The following KLHL14 variants were observed in gnomAD, a reference collection of about 807,000 sequenced individuals.
KLHL14 encodes the protein kelch-like protein 14.
Under a neutral mutation model 64.3 loss-of-function variants are expected in KLHL14, and 22 were observed. The ratio of observed to expected loss-of-function variants is 0.34; its 90% CI spans 0.24 to 0.49. KLHL14 has a LOEUF of 0.49. Ranked by LOEUF, KLHL14 falls within the 20% of genes least tolerant of loss-of-function variation. The pLI, the probability that KLHL14 is intolerant of heterozygous loss-of-function variation, is 0.99. For missense variants in KLHL14, 661 were observed against 789.0 expected, an observed-to-expected ratio of 0.84 and a Z score of 1.94; for synonymous variants, 322 against 333.4, an observed-to-expected ratio of 0.97 and a Z score of 0.37.
Position 32,708,259 on chromosome 18 carries a change from G to T in KLHL14, c.1070-12707C>A, listed in dbSNP as rs530243162. On this transcript the variant is annotated intron_variant, in intron 3 of 8. Coordinates refer to ENST00000359358, the MANE Select transcript of KLHL14 (RefSeq NM_020805.3). Reference sequence around the variant, plus strand: ...GCGTATCTTTCCTGAGAATCCACTAGTGCCCAGCACCATCCCACCAGAGGT... The same window carrying T: ...GCGTATCTTTCCTGAGAATCCACTATTGCCCAGCACCATCCCACCAGAGGT... Among the ~76,000 whole-genome samples, 39 of 152,282 alleles carry T rather than the reference G, an allele frequency of 2.6e-4. 1 individual carries two copies. The South Asian group carries it at 7.5e-3, about 29-fold the overall frequency.
At position 32,687,167 on chromosome 18, in the gene KLHL14, G is replaced by C; in HGVS notation, c.1226C>G (p.Pro409Arg). The part of the protein sequence containing the change: ...PRFNSWIQLP[P>R]MQERRASFYA... ...AATAAACACTTACCTTTCCTGCATG[G>C]GTGGAAGTTGAATCCAGCTATTAAA... Residue 409 changes from proline to arginine, a missense_variant, in exon 5 of 9, where the codon CCC becomes CGC. Coordinates refer to ENST00000359358, the MANE Select transcript of KLHL14 (RefSeq NM_020805.3). The C allele has an allele frequency of 6.2e-7, 1 of 1,613,472 alleles. No homozygotes were observed. The highest frequency in any genetic ancestry group is 1.3e-5 in the African/African-American group (1 of 74,996).
Position 32,687,382 on chromosome 18 carries a change from C to T in KLHL14, c.1160-149G>A, listed in dbSNP as rs961892644. On this transcript the variant is annotated intron_variant, in intron 4 of 8. Coordinates refer to ENST00000359358, the MANE Select transcript of KLHL14 (RefSeq NM_020805.3). ...ACCTAACACAGCACGGGCGATGAGT[C>T]AATAGAAAAATAAATGTGCCACCTC... 6.5e-6 allele frequency: 4 copies of T among 612,720 alleles called. No homozygotes were observed. In the South Asian group the frequency reaches 8.6e-5, roughly 13 times the overall value. 38.0% of individuals were successfully genotyped at this position (612,720 alleles called of 1,614,324 possible). A position where few individuals can be genotyped will look rare whatever the true frequency, so the allele number is the denominator to read the frequency against.
At chr18:32,730,624 G>A (rs889614723) in intron 3 of KLHL14, among the ~76,000 whole-genome samples, 1 of 152,166 alleles carries the variant, frequency 6.6e-6, no homozygotes, top group African/African-American at 2.4e-5. Flanking sequence ...GCAAAAACAA[G>A]TGAGACCATG....
chr18:32,706,116 A>C (rs2049988977), intron 3 of KLHL14, among the ~76,000 whole-genome samples: 1 of 152,224 alleles, frequency 6.6e-6, no homozygotes, highest in Non-Finnish European at 1.5e-5. Flanking sequence ...TTTCACTGCA[A>C]AGATTCAGAA....
At chr18:32,719,781 G>A (rs2050067006) in intron 3 of KLHL14, among the ~76,000 whole-genome samples, 1 of 152,208 alleles carries the variant, frequency 6.6e-6, no homozygotes, top group South Asian at 2.1e-4. Context: ...TTATGGGCAG[G>A]GAGCTGTGAC....
In KLHL14 at chr18:32,680,430, T is replaced by G; in HGVS notation, c.1408A>C (p.Asn470His). Residue 470 changes from asparagine to histidine, a missense_variant, in exon 6 of 9, where the codon AAT becomes CAT. Coordinates refer to ENST00000359358, the MANE Select transcript of KLHL14 (RefSeq NM_020805.3). The surrounding 1 kb of genome is among the most constrained non-coding windows in gnomAD (Gnocchi z 4.8). ...PLAAHAGAVHNGKIYISGGVH... is the reference protein window; with the variant it reads ...PLAAHAGAVHHGKIYISGGVH... ...TTGCCTGAAATGTATATTTTCCCAT[T>G]GTGCACTGCTCCCGCATGAGCCGCC... The G allele has an allele frequency of 6.2e-7, 1 of 1,613,978 alleles. No homozygotes were observed. Among genetic ancestry groups the G allele is most frequent in the Non-Finnish European group, 8.5e-7 (1 of 1,179,888 alleles).
chr18:32,761,790 C>T (rs1229410918), intron 2 of KLHL14, among the ~76,000 whole-genome samples: 1 of 152,122 alleles, frequency 6.6e-6, no homozygotes, highest in African/African-American at 2.4e-5. Context: ...GTACCATATA[C>T]GTTCAATACA....
chr18:32,761,393 C>CTTT (rs10676001), intron 2 of KLHL14, among the ~76,000 whole-genome samples: 1,893 of 127,040 alleles, frequency 0.015, 91 homozygotes, highest in African/African-American at 0.052. Context: ...GCCACACATC[C>CTTT]TTTTTTTTTT....
At chr18:32,769,591 GGCCTCTCTGGCTCTACCCCCCCCT>G in intron 2 of KLHL14, 30 bp downstream of exon 2, 1 of 116,718 alleles carries the variant, frequency 8.6e-6, no homozygotes, top group Non-Finnish European at 1.5e-5. Context: ...CCCTCCCTCC[GGCCTCTCTGGCTCTACCCCCCCCT>G]CCCCCGCCCT....
chr18:32,707,267 T>G (rs1012549282), intron 3 of KLHL14, among the ~76,000 whole-genome samples: 9 of 152,276 alleles, frequency 5.9e-5, no homozygotes, highest in Admixed American at 2.0e-4. Context: ...AGTAAGAGCT[T>G]TTCTTCGTTT....
At chr18:32,676,284 AT>A (rs1193777902) in intron 8 of KLHL14, among the ~76,000 whole-genome samples, 1 of 152,170 alleles carries the variant, frequency 6.6e-6, no homozygotes, top group Non-Finnish European at 1.5e-5. Context: ...AATGTAGGGT[AT>A]TCTGTATAAC....
At chr18:32,763,204 A>G (rs1214326916) in intron 2 of KLHL14, among the ~76,000 whole-genome samples, 1 of 151,704 alleles carries the variant, frequency 6.6e-6, no homozygotes, top group Non-Finnish European at 1.5e-5. Context: ...TAGTAAGTCA[A>G]TATTATAGTG....
intron 3 of KLHL14, among the ~76,000 whole-genome samples, chr18:32,718,266 TC>T (rs1414218889): frequency 3.3e-5 from 5 of 152,352 alleles, no homozygotes; most frequent in African/African-American, 1.2e-4. Context: ...TTACACCTGA[TC>T]TCAACCTACC....
intron 2 of KLHL14, among the ~76,000 whole-genome samples, chr18:32,761,086 T>C (rs2050311471): frequency 6.6e-6 from 1 of 152,258 alleles, no homozygotes; most frequent in South Asian, 2.1e-4. Context: ...CAGCATTTTA[T>C]GTTTAGTTTT....
intron 3 of KLHL14, among the ~76,000 whole-genome samples, chr18:32,725,640 C>G (rs1472621755): frequency 6.6e-6 from 1 of 152,182 alleles, no homozygotes; most frequent in Non-Finnish European, 1.5e-5. Context: ...GTCCTGTGAG[C>G]TAGGCATGGG....
Position 32,752,441 on chromosome 18 carries a change from A to G in KLHL14, c.948-10392T>C, listed in dbSNP as rs977721937. ...CCAAATCTAAGCTGCTATTTTTACT[A>G]TGTACTGCCCTAGACCCTCCACCTT... On this transcript the variant is annotated intron_variant, in intron 2 of 8. Coordinates refer to ENST00000359358, the MANE Select transcript of KLHL14 (RefSeq NM_020805.3). Among the ~76,000 whole-genome samples the G allele has an allele frequency of 3.3e-5, 5 of 152,196 alleles. No homozygotes were observed. The East Asian group carries it at 9.6e-4, about 29-fold the overall frequency.
At chr18:32,750,373 GATT>G (rs2050245234) in intron 2 of KLHL14, among the ~76,000 whole-genome samples, 1 of 152,004 alleles carries the variant, frequency 6.6e-6, no homozygotes, top group African/African-American at 2.4e-5. Context: ...AAGTGATAGC[GATT>G]ATTATTATGT....
At chr18:32,760,719 G>A (rs961054552) in intron 2 of KLHL14, among the ~76,000 whole-genome samples, 10 of 152,108 alleles carry the variant, frequency 6.6e-5, no homozygotes, top group Admixed American at 2.0e-4. Flanking sequence ...GGGAGCAGCA[G>A]AAAAGAAAGC....
chr18:32,758,808 C>T (rs2050297496), intron 2 of KLHL14, among the ~76,000 whole-genome samples: 1 of 152,052 alleles, frequency 6.6e-6, no homozygotes, highest in Non-Finnish European at 1.5e-5. Context: ...CTTGCAAATA[C>T]ACTACATGAA....
Sources: allele counts gnomAD v4.1 joint callset (sites outside exome capture counted in the v4.1 genomes callset), GRCh38; gene constraint gnomAD v4.1.1; non-coding constraint Gnocchi (gnomAD v3.1); transcripts MANE v1.5; gene names NCBI Gene and HGNC (gene_info 2026-07-23, HGNC 2026-07-21).